The following CC2D2A variants were observed in gnomAD, a reference collection of about 807,000 sequenced individuals.
CC2D2A encodes the protein coiled-coil and C2 domain-containing protein 2A.
In CC2D2A, 155 loss-of-function variants were observed where a neutral mutation model predicts 212.9. That is an observed-to-expected ratio of 0.73 (90% CI 0.64 to 0.83). The LOEUF (loss-of-function observed/expected upper bound fraction) is 0.83. Ranked by LOEUF, CC2D2A falls within the 40% of genes least tolerant of loss-of-function variation. The pLI is 0.00. For synonymous variants in CC2D2A, 667 were observed against 686.5 expected, an observed-to-expected ratio of 0.97 and a Z score of 0.44; for missense variants, 1,856 against 1,956.2, an observed-to-expected ratio of 0.95 and a Z score of 0.97.
intron 17 of CC2D2A, among the ~76,000 whole-genome samples, chr4:15,550,495 G>A (rs16892143): frequency 0.13 from 20,214 of 152,144 alleles, 1,426 homozygotes; most frequent in Non-Finnish European, 0.15. Context: ...TACAACCTGA[G>A]CCTGGAAAAG....
intron 13 of CC2D2A, among the ~76,000 whole-genome samples, chr4:15,529,007 A>G (rs1443037193): frequency 2.6e-5 from 4 of 152,226 alleles, no homozygotes; most frequent in Non-Finnish European, 5.9e-5. Context: ...GAAGAAGCTC[A>G]TCAGTTTGGA....
intron 12 of CC2D2A, 38 bp downstream of exon 12, chr4:15,527,694 T>G (rs773830199): frequency 6.0e-6 from 9 of 1,497,892 alleles, no homozygotes; most frequent in Middle Eastern, 1.7e-4. Flanking sequence ...GTCAATGGAG[T>G]TGGTTCTTCC....
At position 15,496,619 on chromosome 4, in the gene CC2D2A, C is replaced by T. The variant is rs151070535; in HGVS notation, c.248-5810C>T. ...TTCTATACCTAGAAAACCCATTTGG[C>T]CCAGTAATCCCATTACTGGGTATAC... On this transcript the variant is annotated intron_variant, in intron 4 of 36. Coordinates refer to ENST00000424120, the MANE Select transcript of CC2D2A (RefSeq NM_001378615.1). Among the ~76,000 whole-genome samples the T allele has an allele frequency of 5.5e-3, 840 of 152,204 alleles. 5 individuals carry two copies. Among genetic ancestry groups the T allele is most frequent in the Non-Finnish European group, 8.1e-3 (554 of 67,976 alleles).
chr4:15,579,869 C>T, intron 29 of CC2D2A, 99 bp from the exon 30 acceptor site: 1 of 939,964 alleles, frequency 1.1e-6, no homozygotes. Flanking sequence ...CAGTCATATT[C>T]CCAAACCATA....
In CC2D2A at chr4:15,540,871, C is replaced by T. The variant is rs748642162; in HGVS notation, c.2038C>T (p.Arg680Cys). Residue 680 changes from arginine (R) to cysteine (C), a missense_variant, in exon 17 of 37, where the codon CGC becomes TGC. Physicochemically the swap from Arg to Cys is radical, Grantham distance 180. Around this residue, in one of 5 missense-constraint regions of CC2D2A, gnomAD observed 1,512 missense variants for 1,579.3 expected, o/e 0.96. Transcript: ENST00000424120. ...EVSRREDVKK[R>C]SVYLKVLFNN... ...CTCGAGAAGGGAGGATGTAAAGAAG[C>T]GCTCAGTGTACTTAAAAGTGCTGTT... 13 of 1,599,918 alleles carry T rather than the reference C, an allele frequency of 8.1e-6. No individual in the cohort carries two copies. Among genetic ancestry groups the T allele is most frequent in the South Asian group, 2.3e-5 (2 of 87,948 alleles).
rs74693020 is a variant in CC2D2A at position 15,494,270 on chromosome 4, A to G, written c.248-8159A>G. On this transcript the variant is annotated intron_variant, in intron 4 of 36. Coordinates refer to ENST00000424120, the MANE Select transcript of CC2D2A (RefSeq NM_001378615.1). The stretch of plus-strand genomic sequence containing the variant: ...TGAAGTATAAAGAAGAGCAAGGGGC[A>G]CTGGGCAGGGCCAGGATCCCAAGAC... Among the ~76,000 whole-genome samples, 6 of 152,342 alleles carry G rather than the reference A, an allele frequency of 3.9e-5. No individual in the cohort carries two copies. The East Asian group carries it at 9.6e-4, about 24-fold the overall frequency.
At chr4:15,554,261 C>A (rs1719161945) in intron 19 of CC2D2A, among the ~76,000 whole-genome samples, 2 of 152,190 alleles carry the variant, frequency 1.3e-5, no homozygotes, top group African/African-American at 2.4e-5. Context: ...AGGTAAAACA[C>A]AATGTGAGTA....
chr4:15,490,820 G>C (rs111878405), intron 4 of CC2D2A, among the ~76,000 whole-genome samples: 11,027 of 152,082 alleles, frequency 0.073, 442 homozygotes, highest in Admixed American at 0.099. Context: ...ATCGACCCCT[G>C]ACCTAATTGG....
intron 23 of CC2D2A, among the ~76,000 whole-genome samples, chr4:15,561,047 C>G (rs1480778941): frequency 1.3e-5 from 2 of 152,108 alleles, no homozygotes; most frequent in African/African-American, 2.4e-5. Flanking sequence ...CTGGGGTGGA[C>G]GAGGAAACCT....
At chr4:15,588,593 G>A (rs1720958408) in intron 32 of CC2D2A, among the ~76,000 whole-genome samples, 1 of 152,124 alleles carries the variant, frequency 6.6e-6, no homozygotes, top group Non-Finnish European at 1.5e-5. Context: ...TTGGAAATTC[G>A]ATAGCATGAG....
Position 15,516,005 on chromosome 4 carries a change from G to A in CC2D2A, c.1017+1G>A, listed in dbSNP as rs200407856. 2.8e-5 allele frequency: 45 copies of A among 1,590,166 alleles called. No individual in the cohort carries two copies. The highest frequency in any genetic ancestry group is 2.8e-4 in the African/African-American group (21 of 74,498). On this transcript the variant is annotated splice_donor_variant, in intron 10 of 36. Transcript: ENST00000424120. LOFTEE classifies it high-confidence loss of function. ...GAACAGATTGCTGATGCAGGACCCC[G>A]TAAGTGTGCACCCTCTGCTCTCAGG...
intron 17 of CC2D2A, among the ~76,000 whole-genome samples, chr4:15,545,021 G>A (rs1718636779): frequency 6.6e-6 from 1 of 152,182 alleles, no homozygotes; most frequent in Admixed American, 6.5e-5. Flanking sequence ...TTTGATAACT[G>A]CCCAACTCTC....
At chr4:15,571,228 C>T (rs1454295168) in intron 28 of CC2D2A, among the ~76,000 whole-genome samples, 2 of 152,180 alleles carry the variant, frequency 1.3e-5, no homozygotes, top group Non-Finnish European at 2.9e-5. Context: ...CAATCAAGTG[C>T]TTTCCATTAA....
At chr4:15,568,433 C>T (rs918538854) in intron 26 of CC2D2A, among the ~76,000 whole-genome samples, 2 of 152,138 alleles carry the variant, frequency 1.3e-5, no homozygotes, top group South Asian at 2.1e-4. Context: ...GAGGCCAAGG[C>T]GGGCAGATCA....
intron 30 of CC2D2A, among the ~76,000 whole-genome samples, chr4:15,583,353 A>G (rs1001796299): frequency 1.2e-4 from 19 of 152,186 alleles, no homozygotes; most frequent in Admixed American, 5.2e-4. Context: ...GAGGCAAAAG[A>G]AATAAATAAA....
intron 11 of CC2D2A, among the ~76,000 whole-genome samples, chr4:15,526,692 A>C (rs1444437862): frequency 5.3e-5 from 8 of 152,210 alleles, no homozygotes; most frequent in African/African-American, 1.9e-4. Flanking sequence ...TATAATGAGA[A>C]AAAATAAAGG....
chr4:15,593,049 T>C (rs1451189248), intron 33 of CC2D2A, among the ~76,000 whole-genome samples: 1 of 152,224 alleles, frequency 6.6e-6, no homozygotes, highest in Non-Finnish European at 1.5e-5. Flanking sequence ...TGTTTTGCCC[T>C]ACATTTCTAT....
At chr4:15,474,371 T>C (rs1344594136) in intron 1 of CC2D2A, among the ~76,000 whole-genome samples, 1 of 152,072 alleles carries the variant, frequency 6.6e-6, no homozygotes, top group South Asian at 2.1e-4. Flanking sequence ...TTCTCACTTA[T>C]GTGTGGGATC....
chr4:15,556,917 C>T (rs1439286682), intron 20 of CC2D2A, among the ~76,000 whole-genome samples: 1 of 152,196 alleles, frequency 6.6e-6, no homozygotes, highest in Non-Finnish European at 1.5e-5. Flanking sequence ...TGCATATGCA[C>T]ATGACATTAA....
Sources: gnomAD v4.1 joint callset for allele counts (sites outside exome capture counted in the v4.1 genomes callset) on GRCh38, gnomAD v4.1.1 for gene constraint, gnomAD v4.1.1 regional missense constraint, MANE v1.5 for transcripts, NCBI Gene and HGNC (gene_info 2026-07-23, HGNC 2026-07-21) for gene names.